The following RAP1GAP variants were observed in gnomAD, a reference collection of about 807,000 sequenced individuals.
RAP1GAP encodes rap1 GTPase-activating protein 1.
Under a neutral mutation model 87.2 loss-of-function variants are expected in RAP1GAP, and 35 were observed. The ratio of observed to expected loss-of-function variants is 0.40; its 90% CI spans 0.31 to 0.53. The LOEUF (loss-of-function observed/expected upper bound fraction) is 0.53. Ranked by LOEUF, RAP1GAP falls within the 20% of genes least tolerant of loss-of-function variation. RAP1GAP has a pLI of 0.48. For missense variants in RAP1GAP, 734 were observed against 898.9 expected, an observed-to-expected ratio of 0.82 and a Z score of 2.35; for synonymous variants, 375 against 363.9, an observed-to-expected ratio of 1.03 and a Z score of -0.35.
At position 21,649,202 on chromosome 1, in the gene RAP1GAP, C is replaced by T. The variant is rs183701963; in HGVS notation, c.-113+559G>A. Among the ~76,000 whole-genome samples the T allele has an allele frequency of 1.8e-4, 27 of 152,222 alleles. No individual in the cohort carries two copies. In the East Asian group the frequency reaches 4.5e-3, roughly 25 times the overall value. ...TGAGAAGCTGCACATACAGTTGCCT[C>T]GTTCCCTCCTCCTCCAAAGAGAGGG... On this transcript the variant is annotated intron_variant, in intron 2 of 24. Transcript: ENST00000374765.
intron 2 of RAP1GAP, among the ~76,000 whole-genome samples, chr1:21,645,504 T>TA (rs1251024396): frequency 2.0e-5 from 3 of 151,736 alleles, no homozygotes; most frequent in African/African-American, 4.8e-5. Flanking sequence ...AAAATAAAAA[T>TA]AAAATAAAAT....
chr1:21,662,424 T>C (rs2097185058), intron 1 of RAP1GAP, among the ~76,000 whole-genome samples: 1 of 152,182 alleles, frequency 6.6e-6, no homozygotes, highest in Admixed American at 6.5e-5. Context: ...GTTTCCAAGC[T>C]GGGAATTTAC....
intron 5 of RAP1GAP, 93 bp downstream of exon 5, chr1:21,618,932 G>T: frequency 7.3e-7 from 1 of 1,374,296 alleles, no homozygotes; most frequent in Non-Finnish European, 1.0e-6. Context: ...TGCTGAAAGG[G>T]GATGGATTTC....
chr1:21,642,627 C>T (rs1009786930), intron 2 of RAP1GAP, among the ~76,000 whole-genome samples: 55 of 152,140 alleles, frequency 3.6e-4, no homozygotes, highest in African/African-American at 1.1e-3. Context: ...GGAGGATGGG[C>T]GACTGGCACC....
In RAP1GAP at chr1:21,603,765, C is replaced by T. The variant is rs750874051; in HGVS notation, c.1429-852G>A. The T allele has an allele frequency of 2.0e-6, 3 of 1,507,004 alleles. No homozygotes were observed. Among genetic ancestry groups the T allele is most frequent in the East Asian group, 2.3e-5 (1 of 44,392 alleles). The allele number at this position is 1,507,004 out of a possible 1,614,324, so 93.4% of individuals were successfully genotyped here. A position where few individuals can be genotyped will look rare whatever the true frequency, so the allele number is the denominator to read the frequency against. Reference sequence around the variant, plus strand: ...GGGGCAACGTCCCCAATATGGCCTCCGTCCTGAGAGCGAGCAGAGAACAGC... The same window carrying T: ...GGGGCAACGTCCCCAATATGGCCTCTGTCCTGAGAGCGAGCAGAGAACAGC... On this transcript the variant is annotated intron_variant, in intron 18 of 24. Transcript: ENST00000374765. The surrounding 1 kb of genome is among the most constrained non-coding windows in gnomAD (Gnocchi z 6.0).
At position 21,609,478 on chromosome 1, in the gene RAP1GAP, T is replaced by G. The variant is rs577626298; in HGVS notation, c.1071+97A>C. 5.5e-5 allele frequency: 38 copies of G among 696,662 alleles called. No homozygotes were observed. In the African/African-American group the frequency reaches 6.6e-4, roughly 12 times the overall value. The allele number at this position is 696,662 out of a possible 1,614,324, so 43.2% of individuals were successfully genotyped here. Reference sequence around the variant, plus strand: ...GGAGCCCAGCTGCCCTGGCATACAATGAGACTTTGGGACCTCATAAGGCAG... The same window carrying G: ...GGAGCCCAGCTGCCCTGGCATACAAGGAGACTTTGGGACCTCATAAGGCAG... On this transcript the variant is annotated intron_variant, in intron 15 of 24. Transcript: ENST00000374765. The surrounding 1 kb of genome is among the most constrained non-coding windows in gnomAD (Gnocchi z 4.4).
intron 1 of RAP1GAP, among the ~76,000 whole-genome samples, chr1:21,658,365 C>T (rs562353303): frequency 3.3e-5 from 5 of 151,846 alleles, no homozygotes; most frequent in South Asian, 2.1e-4. Context: ...GCCAGGAGTT[C>T]GAGACCAGCC....
At chr1:21,611,928 C>A in intron 11 of RAP1GAP, 98 bp downstream of exon 11, 3 of 1,482,506 alleles carry the variant, frequency 2.0e-6, no homozygotes, top group Non-Finnish European at 2.8e-6. Flanking sequence ...AGCCCCTGGG[C>A]TCCTGAGTCC....
At chr1:21,661,720 C>T (rs1415924615) in intron 1 of RAP1GAP, among the ~76,000 whole-genome samples, 2 of 152,262 alleles carry the variant, frequency 1.3e-5, no homozygotes, top group African/African-American at 4.8e-5. Context: ...TAAATGGAGA[C>T]TGTCTTTAGT....
chr1:21,669,120 G>T lies in RAP1GAP; in HGVS notation c.-149+134C>A. The T allele has an allele frequency of 3.0e-6, 3 of 1,002,130 alleles. No individual in the cohort carries two copies. Among genetic ancestry groups the T allele is most frequent in the Non-Finnish European group, 3.8e-6 (3 of 789,982 alleles). 62.1% of individuals were successfully genotyped at this position (1,002,130 alleles called of 1,614,324 possible). Reference sequence around the variant, plus strand: ...CCCACCCCTCGCCCCTGGAGACCCGGGTCCCCCACGCGTTCGCCCCCACCC... The same window carrying T: ...CCCACCCCTCGCCCCTGGAGACCCGTGTCCCCCACGCGTTCGCCCCCACCC... On this transcript the variant is annotated intron_variant, in intron 1 of 24. Transcript: ENST00000374765. This position sits in a 1 kb window ranked among gnomAD's most constrained non-coding sequence, Gnocchi z 5.6.
intron 17 of RAP1GAP, among the ~76,000 whole-genome samples, chr1:21,606,415 G>A (rs1203606597): frequency 6.6e-6 from 1 of 152,200 alleles, no homozygotes; most frequent in African/African-American, 2.4e-5. Flanking sequence ...GTACATACGG[G>A]GCCTAAGGGT....
At chr1:21,664,360 C>T (rs1004950781) in intron 1 of RAP1GAP, among the ~76,000 whole-genome samples, 1 of 152,184 alleles carries the variant, frequency 6.6e-6, no homozygotes, top group Admixed American at 6.5e-5. Flanking sequence ...GTGGGCTCAG[C>T]CTGCCCCTCC....
At chr1:21,605,957 T>G in intron 18 of RAP1GAP, 109 bp downstream of exon 18, 2 of 1,331,136 alleles carry the variant, frequency 1.5e-6, no homozygotes, top group African/African-American at 1.4e-5. Flanking sequence ...AGGATGGGCA[T>G]GTGGGCAGCA....
At chr1:21,641,406 C>T (rs1294118298) in intron 2 of RAP1GAP, among the ~76,000 whole-genome samples, 1 of 152,196 alleles carries the variant, frequency 6.6e-6, no homozygotes, top group Non-Finnish European at 1.5e-5. Flanking sequence ...CCACAGCCAG[C>T]TCCTTCCCAT....
chr1:21,662,691 C>T (rs923258665), intron 1 of RAP1GAP, among the ~76,000 whole-genome samples: 5 of 152,106 alleles, frequency 3.3e-5, no homozygotes, highest in Admixed American at 6.5e-5. Context: ...TTACCCAGAG[C>T]ACAGATTCTG....
Position 21,599,524 on chromosome 1 carries a change from C to T in RAP1GAP, c.1746G>A (p.Thr582=), listed in dbSNP as rs778660063. 18 of 1,609,564 alleles carry T rather than the reference C, an allele frequency of 1.1e-5. No homozygotes were observed. Among genetic ancestry groups the T allele is most frequent in the East Asian group, 6.7e-5 (3 of 44,900 alleles). Residue 582 remains threonine (T), a synonymous_variant, in exon 21 of 25, where the codon ACG becomes ACA. Transcript: ENST00000374765. ...ASSFASVVEE[T]EGVDGEDTGL... ...CTGTGTCCTCTCCGTCCACACCCTC[C>T]GTCTCCTCCACCACGCTGGCGAAGC...
chr1:21,654,092 G>A (rs1311681467), intron 1 of RAP1GAP, among the ~76,000 whole-genome samples: 1 of 146,504 alleles, frequency 6.8e-6, no homozygotes, highest in East Asian at 2.1e-4. Context: ...AGGGATGGGG[G>A]TGGGGGTGGG....
intron 3 of RAP1GAP, among the ~76,000 whole-genome samples, chr1:21,624,460 C>T (rs1407548078): frequency 6.6e-6 from 1 of 152,142 alleles, no homozygotes; most frequent in African/African-American, 2.4e-5. Context: ...AGGTCACCTG[C>T]CCTTCAGATG....
chr1:21,647,443 G>GT (rs2096169363), intron 2 of RAP1GAP, among the ~76,000 whole-genome samples: 1 of 152,132 alleles, frequency 6.6e-6, no homozygotes, highest in Non-Finnish European at 1.5e-5. Context: ...CAGCCTGGGC[G>GT]ACAGAGTGAG....
Sources: allele counts gnomAD v4.1 joint callset (sites outside exome capture counted in the v4.1 genomes callset), GRCh38; gene constraint gnomAD v4.1.1; non-coding constraint Gnocchi (gnomAD v3.1); transcripts MANE v1.5; gene names NCBI Gene and HGNC (gene_info 2026-07-23, HGNC 2026-07-21).